The following FAM149A variants were observed in gnomAD, a reference collection of about 807,000 sequenced individuals.
FAM149A encodes family with sequence similarity 149 member A, also known as protein FAM149A.
In FAM149A, 71 loss-of-function variants were observed where a neutral mutation model predicts 78.2. The observed-to-expected ratio is 0.91, with a 90% CI of 0.75 to 1.11. The LOEUF is 1.11. Among genes scored for constraint, FAM149A ranks in the 50% least tolerant of loss-of-function variants. The pLI is 0.00. For missense variants in FAM149A, 1,036 were observed against 971.0 expected (o/e 1.07, Z -0.89); for synonymous variants, 446 against 410.5 (o/e 1.09, Z -1.04).
At chr4:186,152,626 T>G (rs7695966) in intron 4 of FAM149A, among the ~76,000 whole-genome samples, 130,936 of 147,976 alleles carry the variant, frequency 0.88, 57,937 homozygotes, top group African/African-American at 0.93. Context: ...CTCACTGCAA[T>G]CTCAGCCTCC....
At chr4:186,124,971 C>A (rs531973179) in intron 1 of FAM149A, among the ~76,000 whole-genome samples, 1 of 152,148 alleles carries the variant, frequency 6.6e-6, no homozygotes, top group South Asian at 2.1e-4. Context: ...TGGTGTGAGA[C>A]GGTATCTCGT....
Position 186,156,210 on chromosome 4 carries a change from A to C in FAM149A, c.1420+20A>C, listed in dbSNP as rs1481448876. 5.0e-6 allele frequency: 8 copies of C among 1,594,658 alleles called. No homozygotes were observed. The highest frequency in any genetic ancestry group is 6.0e-6 in the Non-Finnish European group (7 of 1,169,426). The stretch of plus-strand genomic sequence containing the variant: ...TCACAGGTACTTACATGCAGAATTT[A>C]GCTTAATGAAAAGAAAAAGTCCCTG... On this transcript the variant is annotated intron_variant, in intron 7 of 13. Coordinates refer to ENST00000389354, the MANE Select transcript of FAM149A (RefSeq NM_001367768.3).
At chr4:186,140,626 A>G (rs1386068105) in intron 1 of FAM149A, among the ~76,000 whole-genome samples, 3 of 152,106 alleles carry the variant, frequency 2.0e-5, no homozygotes, top group South Asian at 2.1e-4. Flanking sequence ...GGGAGATCCT[A>G]TTATTTTAGG....
rs1010764389 is a variant in FAM149A, at chr4:186,105,500, A to G, written c.424A>G (p.Arg142Gly). 19 of 1,186,332 alleles carry G rather than the reference A, an allele frequency of 1.6e-5. No individual in the cohort carries two copies. The highest frequency in any genetic ancestry group is 3.4e-5 in the African/African-American group (2 of 59,406). The allele number at this position is 1,186,332 out of a possible 1,614,324, so 73.5% of individuals were successfully genotyped here. ...CGGCGGGGTCTGGGCCGCGCTCCCC[A>G]GGAACCCGCTCCAGCCTGGCCCCGG... The change falls in exon 1 of 14, where the codon AGG (arginine) becomes GGG (glycine). Residue 142 changes from arginine to glycine, a missense_variant. Arg to Gly is a moderately radical substitution (Grantham distance 125). Around this residue, in one of 3 missense-constraint regions of FAM149A, gnomAD observed 316 missense variants for 241.9 expected, o/e 1.31. Coordinates refer to ENST00000389354, the MANE Select transcript of FAM149A (RefSeq NM_001367768.3).
chr4:186,157,518 T>C, intron 7 of FAM149A, 47 bp from the exon 8 acceptor site: 1 of 1,570,642 alleles, frequency 6.4e-7, no homozygotes, highest in East Asian at 2.2e-5. Flanking sequence ...GTATTTGTAT[T>C]AGATAATCTG....
At chr4:186,166,433 G>C (rs1310446737) in intron 11 of FAM149A, among the ~76,000 whole-genome samples, 1 of 152,088 alleles carries the variant, frequency 6.6e-6, no homozygotes, top group Non-Finnish European at 1.5e-5. Context: ...GGTGGATCAC[G>C]AGGGCAAGAG....
chr4:186,161,228 G>T (rs1734581929), intron 8 of FAM149A, among the ~76,000 whole-genome samples: 1 of 152,124 alleles, frequency 6.6e-6, no homozygotes, highest in Admixed American at 6.6e-5. Flanking sequence ...TATGAACCAA[G>T]CCCTAAATGA....
intron 8 of FAM149A, chr4:186,158,801 A>G (rs1370754712): frequency 5.9e-6 from 6 of 1,018,028 alleles, no homozygotes; most frequent in South Asian, 3.8e-5. Context: ...GCAGCTCCCA[A>G]TGCTCAGGCC....
intron 1 of FAM149A, among the ~76,000 whole-genome samples, chr4:186,135,608 A>T (rs1292472402): frequency 2.6e-5 from 4 of 152,204 alleles, no homozygotes; most frequent in African/African-American, 9.7e-5. Context: ...CGACTTGCTA[A>T]CATTGAACTC....
Position 186,167,097 on chromosome 4 carries a change from G to A in FAM149A, c.2139+1G>A. On this transcript the variant is annotated splice_donor_variant, in intron 12 of 13. Transcript: ENST00000389354. LOFTEE classifies it high-confidence loss of function. The stretch of plus-strand genomic sequence containing the variant: ...GCCCAGCACAACCCACACGTTCCGG[G>A]TGGGTTCTCTGTTTCCTGTAACTTT... 1 of 1,612,050 alleles carries A rather than the reference G, an allele frequency of 6.2e-7. No homozygotes were observed. The highest frequency in any genetic ancestry group is 8.5e-7 in the Non-Finnish European group (1 of 1,178,394).
intron 11 of FAM149A, among the ~76,000 whole-genome samples, chr4:186,166,764 C>A (rs944334728): frequency 6.6e-6 from 1 of 150,422 alleles, no homozygotes; most frequent in African/African-American, 2.4e-5. Flanking sequence ...TATTATGACA[C>A]TATAATTTTA....
In FAM149A at chr4:186,105,546, G is replaced by C; in HGVS notation, c.470G>C (p.Cys157Ser). Reference sequence around the variant, plus strand: ...CCCGGAGAGCGAGAGCTCGGCGCCTGCGTGGCCCCCGGGGCTGGCCCCAGA... The same window carrying C: ...CCCGGAGAGCGAGAGCTCGGCGCCTCCGTGGCCCCCGGGGCTGGCCCCAGA... The change falls in exon 1 of 14, where the codon TGC becomes TCC. Residue 157 changes from cysteine (C) to serine (S), a missense_variant. By Grantham distance (112) the Cys-to-Ser change is moderately radical. Coordinates refer to ENST00000389354, the MANE Select transcript of FAM149A (RefSeq NM_001367768.3). The C allele has an allele frequency of 8.8e-7, 1 of 1,137,310 alleles. No homozygotes were observed. 70.5% of individuals were successfully genotyped at this position (1,137,310 alleles called of 1,614,324 possible). A position where few individuals can be genotyped will look rare whatever the true frequency, so the allele number is the denominator to read the frequency against.
At chr4:186,138,887 C>T (rs954008994) in intron 1 of FAM149A, among the ~76,000 whole-genome samples, 1 of 152,132 alleles carries the variant, frequency 6.6e-6, no homozygotes, top group Admixed American at 6.5e-5. Context: ...ATACTGCACT[C>T]TTGGAGTCAA....
At position 186,130,521 on chromosome 4, in the gene FAM149A, A is replaced by ATT. The variant is rs11378408; in HGVS notation, c.567-18643_567-18642dup. ...CTCCCCAGTAGCCACCATGCCTGGC[A>ATT]TTTTTTTTTTGTATTTCTGTAGATA... On this transcript the variant is annotated intron_variant, in intron 1 of 13. Transcript: ENST00000389354. Among the ~76,000 whole-genome samples, 858 of 145,016 alleles carry ATT rather than the reference A, an allele frequency of 5.9e-3. 30 individuals carry two copies. Among genetic ancestry groups the ATT allele is most frequent in the Admixed American group, 0.036 (522 of 14,416 alleles).
intron 1 of FAM149A, among the ~76,000 whole-genome samples, chr4:186,112,431 A>G (rs1483638192): frequency 2.3e-5 from 2 of 85,594 alleles, no homozygotes; most frequent in African/African-American, 4.3e-5. Context: ...TTCCAACACT[A>G]TGTTGACTAG....
chr4:186,157,621 C>T lies in FAM149A; in HGVS notation c.1477C>T (p.Leu493Phe). 2 of 1,614,158 alleles carry T rather than the reference C, an allele frequency of 1.2e-6. No homozygotes were observed. Among genetic ancestry groups the T allele is most frequent in the Non-Finnish European group, 1.7e-6 (2 of 1,179,976 alleles). ...GGCTGGAAACAGATTTCCGCACGTCCTCGTTCCACACGCTCACGCCGATGG... is the reference window on the plus strand; with the variant it reads ...GGCTGGAAACAGATTTCCGCACGTCTTCGTTCCACACGCTCACGCCGATGG... Residue 493 changes from leucine (L) to phenylalanine (F), a missense_variant, in exon 8 of 14, where the codon CTC becomes TTC. Physicochemically the swap from Leu to Phe is conservative, Grantham distance 22. Transcript: ENST00000389354.
intron 8 of FAM149A, chr4:186,157,983 C>A: frequency 6.7e-7 from 1 of 1,501,122 alleles, no homozygotes; most frequent in South Asian, 1.2e-5. Context: ...CGGCACCACC[C>A]TTGGCTTCCA....
chr4:186,105,354 C>A lies in FAM149A; in HGVS notation c.278C>A (p.Thr93Asn). Residue 93 changes from threonine to asparagine, a missense_variant, in exon 1 of 14, where the codon ACC (threonine) becomes AAC (asparagine). Physicochemically the swap from Thr to Asn is moderately conservative, Grantham distance 65. This residue lies in a region of FAM149A where 316 missense variants were observed against 241.9 expected (regional missense o/e 1.31). Coordinates refer to ENST00000389354, the MANE Select transcript of FAM149A (RefSeq NM_001367768.3). ...AGCCGCGCCGCGGGAGCAGTGGGGA[C>A]CCTGCTCTCTTGGCCCAGTAGCCCT... 1 of 1,182,340 alleles carries A rather than the reference C, an allele frequency of 8.5e-7. No individual in the cohort carries two copies. The allele number at this position is 1,182,340 out of a possible 1,614,324, so 73.2% of individuals were successfully genotyped here. A position where few individuals can be genotyped will look rare whatever the true frequency, so the allele number is the denominator to read the frequency against.
intron 10 of FAM149A, 66 bp downstream of exon 10, chr4:186,163,699 T>A: frequency 8.6e-7 from 1 of 1,169,514 alleles, no homozygotes; most frequent in Non-Finnish European, 1.3e-6. Flanking sequence ...TCAGTTAGGG[T>A]TTATGGATCA....
Sources: allele counts gnomAD v4.1 joint callset (sites outside exome capture counted in the v4.1 genomes callset), GRCh38; gene constraint gnomAD v4.1.1; regional missense constraint gnomAD v4.1.1; transcripts MANE v1.5; gene names NCBI Gene and HGNC (gene_info 2026-07-23, HGNC 2026-07-21).